ATP1B3: variants seen among roughly 807,000 people sequenced by gnomAD.
The protein encoded by ATP1B3 is ATPase Na+/K+ transporting subunit beta 3.
In ATP1B3, 10 loss-of-function variants were observed where a neutral mutation model predicts 30.2. That is an observed-to-expected ratio of 0.33 (90% CI 0.20 to 0.56). ATP1B3 has a LOEUF of 0.56. Among genes scored for constraint, ATP1B3 ranks in the 20% least tolerant of loss-of-function variants. The pLI, the probability that ATP1B3 is intolerant of heterozygous loss-of-function variation, is 0.90. For missense variants in ATP1B3, 238 were observed against 336.7 expected (o/e 0.71, Z 2.29); for synonymous variants, 113 against 117.0 (o/e 0.97, Z 0.22).
chr3:141,882,898 A>C (rs962016855), intron 1 of ATP1B3, among the ~76,000 whole-genome samples: 1 of 152,060 alleles, frequency 6.6e-6, no homozygotes, highest in Admixed American at 6.5e-5. Context: ...ATGAGTTTTT[A>C]ATGTTCTTAT....
chr3:141,920,321 G>A (rs1934544418), intron 5 of ATP1B3, among the ~76,000 whole-genome samples: 1 of 151,934 alleles, frequency 6.6e-6, no homozygotes. Flanking sequence ...GAGGTAAGGA[G>A]TTTGAGACCA....
chr3:141,924,268 A>G (rs1407786163), intron 6 of ATP1B3, among the ~76,000 whole-genome samples: 1 of 149,102 alleles, frequency 6.7e-6, no homozygotes, highest in Non-Finnish European at 1.5e-5. Flanking sequence ...CACTTGAACC[A>G]GGAAGGCAGA....
At chr3:141,898,094 AC>A (rs1242137876) in intron 1 of ATP1B3, among the ~76,000 whole-genome samples, 1 of 152,222 alleles carries the variant, frequency 6.6e-6, no homozygotes, top group African/African-American at 2.4e-5. Context: ...CAAACCATAT[AC>A]AAAAATTAAC....
chr3:141,913,001 A>G (rs1934392640), intron 3 of ATP1B3, among the ~76,000 whole-genome samples: 1 of 152,152 alleles, frequency 6.6e-6, no homozygotes, highest in South Asian at 2.1e-4. Context: ...AAGTATGTTC[A>G]TACTATCCAC....
chr3:141,916,035 A>G lies in ATP1B3; in HGVS notation c.582+15A>G, dbSNP rs1934456119. ...GTGTTTCAAAGGTTAGTATTCAAAAAGTAACTCCTGTTAAATCTTTGATGT... is the reference window on the plus strand; with the variant it reads ...GTGTTTCAAAGGTTAGTATTCAAAAGGTAACTCCTGTTAAATCTTTGATGT... On this transcript the variant is annotated intron_variant, in intron 5 of 6. Transcript: ENST00000286371. 11 of 1,592,776 alleles carry G rather than the reference A, an allele frequency of 6.9e-6. No homozygotes were observed. The East Asian group carries it at 2.5e-4, about 36-fold the overall frequency.
chr3:141,906,067 A>G (rs1486054549), intron 2 of ATP1B3, among the ~76,000 whole-genome samples: 1 of 151,662 alleles, frequency 6.6e-6, no homozygotes, highest in African/African-American at 2.4e-5. Context: ...TATACATATA[A>G]TATGTATTAT....
chr3:141,909,962 A>G (rs1576397747), intron 3 of ATP1B3, among the ~76,000 whole-genome samples: 1 of 152,016 alleles, frequency 6.6e-6, no homozygotes, highest in Non-Finnish European at 1.5e-5. Context: ...CTGATTCTGG[A>G]CACATTTCTT....
At chr3:141,895,870 T>C (rs1934056145) in intron 1 of ATP1B3, among the ~76,000 whole-genome samples, 2 of 152,224 alleles carry the variant, frequency 1.3e-5, no homozygotes, top group South Asian at 4.1e-4. Context: ...GCTCCACTTC[T>C]GGGTCATTAC....
chr3:141,915,572 G>C (rs781398734), intron 4 of ATP1B3, among the ~76,000 whole-genome samples: 14 of 152,096 alleles, frequency 9.2e-5, no homozygotes, highest in Non-Finnish European at 1.9e-4. Context: ...AGTGTGACCT[G>C]ATATAGTTTT....
intron 1 of ATP1B3, among the ~76,000 whole-genome samples, chr3:141,884,733 T>C (rs1267467909): frequency 1.3e-5 from 2 of 152,182 alleles, no homozygotes; most frequent in Non-Finnish European, 2.9e-5. Flanking sequence ...TTAGACTCCA[T>C]GTTCTTTGGT....
At chr3:141,897,813 G>A (rs556103811) in intron 1 of ATP1B3, among the ~76,000 whole-genome samples, 15 of 152,210 alleles carry the variant, frequency 9.9e-5, no homozygotes, top group Admixed American at 3.9e-4. Context: ...AGGCTGAAGC[G>A]ATTCTCCCAC....
At chr3:141,913,326 C>T (rs548059960) in intron 3 of ATP1B3, among the ~76,000 whole-genome samples, 1 of 152,198 alleles carries the variant, frequency 6.6e-6, no homozygotes, top group East Asian at 1.9e-4. Flanking sequence ...GCAGCAGTGC[C>T]TTTTTACATC....
intron 3 of ATP1B3, 129 bp downstream of exon 3, chr3:141,907,403 T>A: frequency 1.7e-6 from 1 of 600,772 alleles, no homozygotes; most frequent in Non-Finnish European, 2.7e-6. Flanking sequence ...GCAGATCACC[T>A]GAGGTTAGGA....
chr3:141,921,703 A>C, intron 5 of ATP1B3: 1 of 216,014 alleles, frequency 4.6e-6, no homozygotes, highest in Non-Finnish European at 8.9e-6. Flanking sequence ...ACAGGAGTAC[A>C]TGAGTTAAAG....
rs1577952625 is a variant in ATP1B3, at chr3:141,876,983, G to A, written c.109+73G>A. ...GCGCCGGGCGCGGTCTGGTGGGAAC[G>A]GAAAGGCGGGAGGCGGCTCCCAGCG... On this transcript the variant is annotated intron_variant, in intron 1 of 6. Transcript: ENST00000286371. 8.2e-6 allele frequency: 10 copies of A among 1,215,428 alleles called. No individual in the cohort carries two copies. In the East Asian group the frequency reaches 2.8e-4, roughly 34 times the overall value. 75.3% of individuals were successfully genotyped at this position (1,215,428 alleles called of 1,614,324 possible). A position where few individuals can be genotyped will look rare whatever the true frequency, so the allele number is the denominator to read the frequency against.
Position 141,925,760 on chromosome 3 carries a change from G to T in ATP1B3, c.*59G>T, listed in dbSNP as rs141681330. ...TGTTGTCTGTCTTCATTTTGTAACA[G>T]CTGGACCTTCCATTCTAGAATTATG... On this transcript the variant is annotated 3_prime_UTR_variant, in exon 7 of 7. Transcript: ENST00000286371. 7.7e-5 allele frequency: 119 copies of T among 1,555,072 alleles called. 1 individual carries two copies. The East Asian group carries it at 2.3e-3, about 30-fold the overall frequency.
intron 1 of ATP1B3, among the ~76,000 whole-genome samples, chr3:141,880,272 C>T (rs1933697750): frequency 1.3e-5 from 2 of 152,166 alleles, no homozygotes; most frequent in Admixed American, 1.3e-4. Context: ...GTGTATTTGG[C>T]TAATATCTTA....
intron 5 of ATP1B3, among the ~76,000 whole-genome samples, chr3:141,921,085 A>G (rs1934556303): frequency 6.6e-6 from 1 of 152,112 alleles, no homozygotes; most frequent in Non-Finnish European, 1.5e-5. Flanking sequence ...TTATATATAT[A>G]TAAAATTCAA....
At chr3:141,880,042 A>G (rs1294195034) in intron 1 of ATP1B3, among the ~76,000 whole-genome samples, 1 of 151,938 alleles carries the variant, frequency 6.6e-6, no homozygotes, top group Non-Finnish European at 1.5e-5. Context: ...CATTCATTTA[A>G]GATGTTTCCT....
Sources: gnomAD v4.1 joint callset for allele counts (sites outside exome capture counted in the v4.1 genomes callset) on GRCh38, gnomAD v4.1.1 for gene constraint, MANE v1.5 for transcripts, NCBI Gene and HGNC (gene_info 2026-07-23, HGNC 2026-07-21) for gene names.